Variants in JAKMIP1 observed in about 807,000 individuals in gnomAD.
JAKMIP1 encodes the protein janus kinase and microtubule-interacting protein 1.
JAKMIP1 carries 33 observed loss-of-function variants against 113.0 expected under a neutral mutation model. The ratio of observed to expected loss-of-function variants is 0.29; its 90% CI spans 0.22 to 0.39. The LOEUF (loss-of-function observed/expected upper bound fraction) is 0.39, where lower values mean the gene tolerates loss of function less well. Ranked by LOEUF, JAKMIP1 falls within the 10% of genes least tolerant of loss-of-function variation. The pLI is 1.00. For missense variants in JAKMIP1, 813 were observed against 1,080.5 expected (o/e 0.75, Z 3.47); for synonymous variants, 480 against 459.9 (o/e 1.04, Z -0.56).
intron 1 of JAKMIP1, among the ~76,000 whole-genome samples, chr4:6,146,574 A>T (rs111510784): frequency 6.6e-6 from 1 of 152,210 alleles, no homozygotes; most frequent in African/African-American, 2.4e-5. Context: ...GACTACAGGC[A>T]TGAGCCACTG....
Position 6,064,459 on chromosome 4 carries a change from A to T in JAKMIP1, c.1431+421T>A, listed in dbSNP as rs1717760092. ...ATTTTTGGATTACATGCTTTATCTT[A>T]GTCAAGAAAGCAATGATGCTGTTTC... On this transcript the variant is annotated intron_variant, in intron 9 of 20. Coordinates refer to ENST00000409021, the MANE Select transcript of JAKMIP1 (RefSeq NM_001099433.2). This position sits in a 1 kb window ranked among gnomAD's most constrained non-coding sequence, Gnocchi z 4.3. Among the ~76,000 whole-genome samples, 1 of 152,184 alleles carries T rather than the reference A, an allele frequency of 6.6e-6. No homozygotes were observed. The highest frequency in any genetic ancestry group is 2.4e-5 in the African/African-American group (1 of 41,440).
At chr4:6,131,372 A>C (rs952329606) in intron 1 of JAKMIP1, among the ~76,000 whole-genome samples, 4 of 151,574 alleles carry the variant, frequency 2.6e-5, no homozygotes, top group African/African-American at 9.7e-5. Flanking sequence ...CTGCCAAAAA[A>C]AAAAAAAAAC....
At chr4:6,119,204 C>G (rs925897175) in intron 1 of JAKMIP1, among the ~76,000 whole-genome samples, 1 of 152,146 alleles carries the variant, frequency 6.6e-6, no homozygotes, top group African/African-American at 2.4e-5. Context: ...TGTGGTCATG[C>G]TTTATAGAGG....
chr4:6,149,489 C>G (rs559631179), intron 1 of JAKMIP1, among the ~76,000 whole-genome samples: 8 of 152,084 alleles, frequency 5.3e-5, no homozygotes, highest in Non-Finnish European at 1.0e-4. Context: ...CCGAGACCAG[C>G]GAGTAAGAAA....
At position 6,162,436 on chromosome 4, in the gene JAKMIP1, A is replaced by G. The variant is rs745971654; in HGVS notation, c.-148+37817T>C. Among the ~76,000 whole-genome samples the G allele has an allele frequency of 2.6e-5, 4 of 152,190 alleles. No individual in the cohort carries two copies. Among genetic ancestry groups the G allele is most frequent in the South Asian group, 2.1e-4 (1 of 4,834 alleles). ...CCTGGGGAAGTCACCTCCAGAGGCC[A>G]CATGAGCCAAGTGACAGGGGCAGAT... On this transcript the variant is annotated intron_variant, in intron 1 of 20. Transcript: ENST00000409021. This position sits in a 1 kb window ranked among gnomAD's most constrained non-coding sequence, Gnocchi z 5.6.
rs1046729781 is a variant in JAKMIP1 at position 6,059,144 on chromosome 4, C to T, written c.1644+1280G>A. ...TGTGAGCTCTGCGTCACGATCCCAC[C>T]GCATGGAGGATGCAGACCACAGTTT... On this transcript the variant is annotated intron_variant, in intron 11 of 20. Transcript: ENST00000409021. The surrounding 1 kb of genome is among the most constrained non-coding windows in gnomAD (Gnocchi z 4.8). Among the ~76,000 whole-genome samples, 8 of 152,208 alleles carry T rather than the reference C, an allele frequency of 5.3e-5. No homozygotes were observed. Among genetic ancestry groups the T allele is most frequent in the African/African-American group, 1.7e-4 (7 of 41,460 alleles).
chr4:6,049,628 C>T lies in JAKMIP1; in HGVS notation c.1962+191G>A, dbSNP rs553270778. Among the ~76,000 whole-genome samples, 189 of 152,162 alleles carry T rather than the reference C, an allele frequency of 1.2e-3. No homozygotes were observed. Among genetic ancestry groups the T allele is most frequent in the Non-Finnish European group, 2.1e-3 (143 of 68,026 alleles). ...TCAACAGGCCAGGGGAATCTAACTT[C>T]GGAACCCCACTTCTGACGAATGCCA... On this transcript the variant is annotated intron_variant, in intron 15 of 20. Transcript: ENST00000409021. The surrounding 1 kb of genome is among the most constrained non-coding windows in gnomAD (Gnocchi z 7.0).
At chr4:6,124,945 A>G (rs1470018492) in intron 1 of JAKMIP1, among the ~76,000 whole-genome samples, 1 of 152,200 alleles carries the variant, frequency 6.6e-6, no homozygotes, top group Non-Finnish European at 1.5e-5. Flanking sequence ...TGAGATTGCC[A>G]CAGGAGACAG....
In JAKMIP1 at chr4:6,197,983, C is replaced by T. The variant is rs1241930069; in HGVS notation, c.-148+2270G>A. On this transcript the variant is annotated intron_variant, in intron 1 of 20. Coordinates refer to ENST00000409021, the MANE Select transcript of JAKMIP1 (RefSeq NM_001099433.2). This position sits in a 1 kb window ranked among gnomAD's most constrained non-coding sequence, Gnocchi z 6.5. ...CCTTCCTGGCCGGGCCGCCTGTCCCCATCTCTCCCTGCACATGACTCTCTG... is the reference window on the plus strand; with the variant it reads ...CCTTCCTGGCCGGGCCGCCTGTCCCTATCTCTCCCTGCACATGACTCTCTG... Among the ~76,000 whole-genome samples the T allele has an allele frequency of 1.3e-5, 2 of 152,162 alleles. No individual in the cohort carries two copies. Among genetic ancestry groups the T allele is most frequent in the Non-Finnish European group, 2.9e-5 (2 of 68,038 alleles).
rs772562121 is a variant in JAKMIP1, at chr4:6,139,898, C to A, written c.-147-26901G>T. On this transcript the variant is annotated intron_variant, in intron 1 of 20. Coordinates refer to ENST00000409021, the MANE Select transcript of JAKMIP1 (RefSeq NM_001099433.2). The surrounding 1 kb of genome is among the most constrained non-coding windows in gnomAD (Gnocchi z 5.2). Reference sequence around the variant, plus strand: ...GGCAGATTCCACGAGCCAAGGAATACCAAGGACTGCCACCAAAGCACAGGA... The same window carrying A: ...GGCAGATTCCACGAGCCAAGGAATAACAAGGACTGCCACCAAAGCACAGGA... Among the ~76,000 whole-genome samples the A allele has an allele frequency of 8.5e-5, 13 of 152,088 alleles. No individual in the cohort carries two copies. Among genetic ancestry groups the A allele is most frequent in the Non-Finnish European group, 1.5e-4 (10 of 68,026 alleles).
At chr4:6,053,144 T>C (rs746669424) in intron 13 of JAKMIP1, among the ~76,000 whole-genome samples, 3 of 152,118 alleles carry the variant, frequency 2.0e-5, no homozygotes, top group Non-Finnish European at 4.4e-5. Context: ...ATGTTTAAAA[T>C]GCCAATGATT....
chr4:6,096,696 T>C (rs1409873241), intron 3 of JAKMIP1, among the ~76,000 whole-genome samples: 1 of 152,178 alleles, frequency 6.6e-6, no homozygotes, highest in Non-Finnish European at 1.5e-5. Context: ...GGGTTGAGTA[T>C]CCCTTATCTG....
In JAKMIP1 at chr4:6,200,039, G is replaced by A. The variant is rs1337476987; in HGVS notation, c.-148+214C>T. Among the ~76,000 whole-genome samples, 2 of 150,266 alleles carry A rather than the reference G, an allele frequency of 1.3e-5. No individual in the cohort carries two copies. Among genetic ancestry groups the A allele is most frequent in the Non-Finnish European group, 1.5e-5 (1 of 67,250 alleles). On this transcript the variant is annotated intron_variant, in intron 1 of 20. Transcript: ENST00000409021. The surrounding 1 kb of genome is among the most constrained non-coding windows in gnomAD (Gnocchi z 7.0). ...GGGGTCTGAAGAGGAGTGGGGGATG[G>A]GTATGGAAGGGTGGGGGACCACTGA...
intron 1 of JAKMIP1, among the ~76,000 whole-genome samples, chr4:6,195,083 C>G (rs1282115750): frequency 6.6e-6 from 1 of 152,214 alleles, no homozygotes; most frequent in South Asian, 2.1e-4. Context: ...GGGGTGATCC[C>G]CATTTCCCAA....
At chr4:6,160,786 G>A (rs1441357956) in intron 1 of JAKMIP1, among the ~76,000 whole-genome samples, 1 of 151,960 alleles carries the variant, frequency 6.6e-6, no homozygotes, top group East Asian at 1.9e-4. Flanking sequence ...CCTGCGCGGG[G>A]GCTTCAGCTC....
intron 3 of JAKMIP1, among the ~76,000 whole-genome samples, chr4:6,100,234 A>G (rs77424593): frequency 0.035 from 5,398 of 152,270 alleles, 270 homozygotes; most frequent in African/African-American, 0.12. Context: ...ACTCATTTAC[A>G]GCTAATCTCC....
chr4:6,090,664 C>A (rs957359832), intron 3 of JAKMIP1, among the ~76,000 whole-genome samples: 3 of 152,002 alleles, frequency 2.0e-5, no homozygotes, highest in Non-Finnish European at 4.4e-5. Flanking sequence ...CCGTAACCAC[C>A]TTAAACTAGA....
At chr4:6,037,007 T>A (rs994739773) in intron 18 of JAKMIP1, among the ~76,000 whole-genome samples, 1,427 of 102,380 alleles carry the variant, frequency 0.014, 3 homozygotes, top group African/African-American at 0.03. Context: ...GAGGCAGAGG[T>A]TAACCCAGTA....
chr4:6,162,434 C>T lies in JAKMIP1; in HGVS notation c.-148+37819G>A, dbSNP rs1342214137. Among the ~76,000 whole-genome samples, 2 of 152,180 alleles carry T rather than the reference C, an allele frequency of 1.3e-5. No homozygotes were observed. The highest frequency in any genetic ancestry group is 2.9e-5 in the Non-Finnish European group (2 of 68,026). ...GTCCTGGGGAAGTCACCTCCAGAGG[C>T]CACATGAGCCAAGTGACAGGGGCAG... On this transcript the variant is annotated intron_variant, in intron 1 of 20. Coordinates refer to ENST00000409021, the MANE Select transcript of JAKMIP1 (RefSeq NM_001099433.2). The surrounding 1 kb of genome is among the most constrained non-coding windows in gnomAD (Gnocchi z 5.6).
Sources: gnomAD v4.1 joint callset for allele counts (sites outside exome capture counted in the v4.1 genomes callset) on GRCh38, gnomAD v4.1.1 for gene constraint, Gnocchi (gnomAD v3.1) non-coding constraint, MANE v1.5 for transcripts, NCBI Gene and HGNC (gene_info 2026-07-23, HGNC 2026-07-21) for gene names.